Variants in GRIN3A observed in about 807,000 individuals in gnomAD.
The protein encoded by GRIN3A is glutamate receptor ionotropic, NMDA 3A.
GRIN3A carries 47 observed loss-of-function variants against 92.4 expected under a neutral mutation model. The observed-to-expected ratio is 0.51, with a 90% CI of 0.40 to 0.65. The LOEUF (loss-of-function observed/expected upper bound fraction) is 0.65. Ranked by LOEUF, GRIN3A falls within the 30% of genes least tolerant of loss-of-function variation. The pLI is 0.00. For synonymous variants in GRIN3A, 527 were observed against 540.6 expected, an observed-to-expected ratio of 0.97 and a Z score of 0.35; for missense variants, 1,324 against 1,393.1, an observed-to-expected ratio of 0.95 and a Z score of 0.79.
intron 1 of GRIN3A, among the ~76,000 whole-genome samples, chr9:101,692,742 G>A (rs1433114980): frequency 6.6e-6 from 1 of 152,108 alleles, no homozygotes; most frequent in African/African-American, 2.4e-5. Flanking sequence ...GAGGCTGCAG[G>A]AGGTTTTCTG....
intron 4 of GRIN3A, 87 bp from the exon 5 acceptor site, chr9:101,623,520 G>T (rs748854234): frequency 1.1e-5 from 10 of 914,990 alleles, no homozygotes; most frequent in Non-Finnish European, 1.8e-5. Flanking sequence ...TTGTTTAGGG[G>T]ACAGAACCCG....
intron 1 of GRIN3A, among the ~76,000 whole-genome samples, chr9:101,720,291 G>A (rs1428820419): frequency 6.6e-6 from 1 of 152,188 alleles, no homozygotes; most frequent in Non-Finnish European, 1.5e-5. Context: ...AATTTATAAA[G>A]TGCTTTTATG....
Position 101,670,731 on chromosome 9 carries a change from G to A in GRIN3A, c.1681C>T (p.Leu561Phe). 6.2e-7 allele frequency: 1 copy of A among 1,614,036 alleles called. No homozygotes were observed. Residue 561 changes from leucine to phenylalanine, a missense_variant, in exon 3 of 9, where the codon CTC becomes TTC. By Grantham distance (22) the Leu-to-Phe change is conservative. Coordinates refer to ENST00000361820, the MANE Select transcript of GRIN3A (RefSeq NM_133445.3). ...GGCACTGTATCATTACTGCTATGGA[G>A]GCTGCTAAAAAGGCTGTCCAATGTG... ...SSTLDSLFSS[L>F]HSSNDTVPIK...
intron 1 of GRIN3A, among the ~76,000 whole-genome samples, chr9:101,701,292 G>A (rs1400331564): frequency 6.6e-6 from 1 of 151,968 alleles, no homozygotes; most frequent in Admixed American, 6.6e-5. Context: ...ATGTCATGGG[G>A]GTTTGTTGTA....
intron 6 of GRIN3A, chr9:101,594,553 G>A: frequency 6.2e-7 from 1 of 1,614,208 alleles, no homozygotes; most frequent in Non-Finnish European, 8.5e-7. Flanking sequence ...AGTCCGTCAG[G>A]TTGTTGCCCA....
At chr9:101,661,340 A>G (rs946624650) in intron 3 of GRIN3A, among the ~76,000 whole-genome samples, 6 of 151,884 alleles carry the variant, frequency 4.0e-5, no homozygotes, top group African/African-American at 1.4e-4. Flanking sequence ...AATACAATAA[A>G]TATTTCCTTA....
Position 101,686,948 on chromosome 9 carries a change from T to G in GRIN3A, c.952A>C (p.Ile318Leu). The G allele has an allele frequency of 6.2e-7, 1 of 1,614,188 alleles. No individual in the cohort carries two copies. Among genetic ancestry groups the G allele is most frequent in the South Asian group, 1.1e-5 (1 of 91,082 alleles). ...LSFLQIQLES[I>L]KNSTPTVVMF... ...ACCACTGTGGGTGTGCTGTTCTTAA[T>G]ACTCTCAAGCTGGATCTGTAGGAAG... The change falls in exon 2 of 9, where the codon ATT becomes CTT. Residue 318 changes from isoleucine (I) to leucine (L), a missense_variant. Coordinates refer to ENST00000361820, the MANE Select transcript of GRIN3A (RefSeq NM_133445.3).
chr9:101,722,052 C>A (rs1389977789), intron 1 of GRIN3A, among the ~76,000 whole-genome samples: 1 of 152,198 alleles, frequency 6.6e-6, no homozygotes, highest in African/African-American at 2.4e-5. Context: ...GCAGCCCCTC[C>A]CATTTCAAGC....
chr9:101,649,781 C>T (rs1828987661), intron 3 of GRIN3A, among the ~76,000 whole-genome samples: 2 of 151,948 alleles, frequency 1.3e-5, no homozygotes, highest in South Asian at 4.1e-4. Context: ...TGCCGTTTTG[C>T]TGATGTCACT....
intron 3 of GRIN3A, among the ~76,000 whole-genome samples, chr9:101,648,240 T>A (rs1383821918): frequency 6.6e-6 from 1 of 152,086 alleles, no homozygotes; most frequent in Non-Finnish European, 1.5e-5. Context: ...TTCAGGAGCA[T>A]GTTGTTTAAT....
At chr9:101,709,216 G>T (rs934379286) in intron 1 of GRIN3A, among the ~76,000 whole-genome samples, 1 of 152,042 alleles carries the variant, frequency 6.6e-6, no homozygotes, top group African/African-American at 2.4e-5. Flanking sequence ...TGTATTTGAG[G>T]TCAAATAGGT....
chr9:101,710,427 T>C (rs537658324), intron 1 of GRIN3A, among the ~76,000 whole-genome samples: 6 of 152,188 alleles, frequency 3.9e-5, no homozygotes, highest in Non-Finnish European at 8.8e-5. Flanking sequence ...ATCAGTGGCA[T>C]CAATGTATAT....
chr9:101,579,537 A>G (rs1376960696), intron 6 of GRIN3A, among the ~76,000 whole-genome samples, 177 bp from the exon 7 acceptor site: 1 of 152,184 alleles, frequency 6.6e-6, no homozygotes, highest in Non-Finnish European at 1.5e-5. Flanking sequence ...AAATTCAGCC[A>G]GGGTTGGACT....
intron 6 of GRIN3A, chr9:101,593,988 A>G (rs1360851415): frequency 6.2e-6 from 1 of 160,114 alleles, no homozygotes; most frequent in Non-Finnish European, 1.4e-5. Flanking sequence ...CTGGCAAGAT[A>G]TCTGAACACA....
At chr9:101,619,343 C>T (rs1343884503) in intron 5 of GRIN3A, among the ~76,000 whole-genome samples, 1 of 152,142 alleles carries the variant, frequency 6.6e-6, no homozygotes, top group Non-Finnish European at 1.5e-5. Context: ...TTAGCCTCAG[C>T]ATATCAAAGT....
chr9:101,585,687 A>G (rs1404284679), intron 6 of GRIN3A, among the ~76,000 whole-genome samples: 1 of 152,142 alleles, frequency 6.6e-6, no homozygotes, highest in Non-Finnish European at 1.5e-5. Flanking sequence ...CCAGAATTCA[A>G]CATCCCACCA....
chr9:101,659,712 C>G (rs990698942), intron 3 of GRIN3A, among the ~76,000 whole-genome samples: 1 of 151,734 alleles, frequency 6.6e-6, no homozygotes, highest in Non-Finnish European at 1.5e-5. Context: ...TTGACATATT[C>G]TCTGTTTGTA....
intron 3 of GRIN3A, among the ~76,000 whole-genome samples, chr9:101,647,069 T>C (rs1178042212): frequency 1.3e-5 from 2 of 151,974 alleles, no homozygotes; most frequent in Non-Finnish European, 2.9e-5. Flanking sequence ...CCCTATCTTG[T>C]TCCAGATCTT....
intron 3 of GRIN3A, among the ~76,000 whole-genome samples, chr9:101,635,399 A>C (rs1356985136): frequency 2.0e-5 from 3 of 152,222 alleles, no homozygotes; most frequent in Non-Finnish European, 2.9e-5. Context: ...TAAGTACAAA[A>C]GAAAACATAT....
Sources: gnomAD v4.1 joint callset for allele counts (sites outside exome capture counted in the v4.1 genomes callset) on GRCh38, gnomAD v4.1.1 for gene constraint, MANE v1.5 for transcripts, NCBI Gene and HGNC (gene_info 2026-07-23, HGNC 2026-07-21) for gene names.